ADAMTS7: variants seen among roughly 807,000 people sequenced by gnomAD.
The protein encoded by ADAMTS7 is A disintegrin and metalloproteinase with thrombospondin motifs 7.
A neutral mutation model predicts 172.6 loss-of-function variants in ADAMTS7; 89 were observed. The ratio of observed to expected loss-of-function variants is 0.52; its 90% confidence interval spans 0.43 to 0.61. ADAMTS7 has a LOEUF of 0.61. ADAMTS7 is among the 20% of genes least tolerant of loss of function. ADAMTS7 has a pLI of 0.00. For missense variants in ADAMTS7, 1,973 were observed against 2,355.6 expected (o/e 0.84, Z 3.36); for synonymous variants, 885 against 978.4 (o/e 0.90, Z 1.78).
intron 8 of ADAMTS7, among the ~76,000 whole-genome samples, chr15:78,780,254 G>T (rs1294454820): frequency 1.3e-5 from 2 of 151,600 alleles, no homozygotes; most frequent in African/African-American, 4.9e-5. Flanking sequence ...GCTAATTATA[G>T]CGGGGCTGGG....
intron 8 of ADAMTS7, among the ~76,000 whole-genome samples, chr15:78,787,525 G>A (rs1425168613): frequency 3.3e-5 from 5 of 152,048 alleles, no homozygotes; most frequent in South Asian, 2.1e-4. Context: ...GTAGCCAGCC[G>A]TTGTGGCACA....
In ADAMTS7 at chr15:78,771,730, G is replaced by A. The variant is rs1043662488; in HGVS notation, c.2231C>T (p.Pro744Leu). ...ANFLALRSED[P>L]EKYFLNGGWT... ...GCCACCATTGAGGAAGTACTTCTCC[G>A]GGTCCTCGCTCCGCAGTGCCAGGAA... Residue 744 changes from proline to leucine, a missense_variant, in exon 15 of 24, where the codon CCG becomes CTG. Physicochemically the swap from Pro to Leu is moderately conservative, Grantham distance 98. This residue lies in a region of ADAMTS7 where 771 missense variants were observed against 952.6 expected (regional missense o/e 0.81). Transcript: ENST00000388820. This position sits in a 1 kb window ranked among gnomAD's most constrained non-coding sequence, Gnocchi z 4.9. 16 of 1,610,378 alleles carry A rather than the reference G, an allele frequency of 9.9e-6. No homozygotes were observed. The highest frequency in any genetic ancestry group is 3.7e-4 in the Middle Eastern group (2 of 5,464).
chr15:78,759,470 G>A lies in ADAMTS7; in HGVS notation c.5012C>T (p.Pro1671Leu). The A allele has an allele frequency of 1.9e-6, 3 of 1,597,376 alleles. No individual in the cohort carries two copies. Among genetic ancestry groups the A allele is most frequent in the Non-Finnish European group, 2.5e-6 (3 of 1,177,526 alleles). The change falls in exon 24 of 24, where the codon CCC becomes CTC. Residue 1671 changes from proline to leucine, a missense_variant. Pro to Leu is a moderately conservative substitution (Grantham distance 98). Around this residue, in one of 8 missense-constraint regions of ADAMTS7, gnomAD observed 94 missense variants for 95.4 expected, o/e 0.99. Transcript: ENST00000388820. ...RTQCCRSCSP[P>L]SHGAPSRGHQ... The stretch of plus-strand genomic sequence containing the variant: ...GCCTCGGGAGGGGGCGCCGTGGCTG[G>A]GCGGAGAGCACGAGCGGCAGCACTG...
Position 78,771,508 on chromosome 15 carries a change from C to G in ADAMTS7, c.2376+77G>C, listed in dbSNP as rs540509827. The G allele has an allele frequency of 9.1e-6, 14 of 1,543,796 alleles. No individual in the cohort carries two copies. The highest frequency in any genetic ancestry group is 1.2e-5 in the South Asian group (1 of 84,910). On this transcript the variant is annotated intron_variant, in intron 15 of 23. Transcript: ENST00000388820. The surrounding 1 kb of genome is among the most constrained non-coding windows in gnomAD (Gnocchi z 4.9). The stretch of plus-strand genomic sequence containing the variant: ...TGAACCAGGGCTCACTCCTCCAGGA[C>G]GAGACCTGCCATGGAGGGTGCTGGG...
intron 8 of ADAMTS7, among the ~76,000 whole-genome samples, chr15:78,778,798 G>T (rs1001185856): frequency 7.9e-5 from 12 of 152,198 alleles, no homozygotes; most frequent in African/African-American, 2.9e-4. Context: ...GATTGGGACA[G>T]GCAGGGGGTT....
rs2055279336 is a variant in ADAMTS7 at position 78,773,106 on chromosome 15, G to A, written c.2108C>T (p.Thr703Ile). The A allele has an allele frequency of 1.3e-6, 2 of 1,523,484 alleles. No individual in the cohort carries two copies. Among genetic ancestry groups the A allele is most frequent in the Admixed American group, 3.8e-5 (2 of 52,730 alleles). The allele number at this position is 1,523,484 out of a possible 1,614,324, so 94.4% of individuals were successfully genotyped here. ...NGSTCHTVSG[T>I]FEEAEGLGYV... ...ACCCAGGCCCTCGGCCTCCTCGAAG[G>A]TCCCGCTCACGGTGTGGCAGGTGGA... The change falls in exon 14 of 24, where the codon ACC becomes ATC. Residue 703 changes from threonine to isoleucine, a missense_variant. This residue lies in a region of ADAMTS7 where 771 missense variants were observed against 952.6 expected (regional missense o/e 0.81). Transcript: ENST00000388820.
At chr15:78,805,316 C>T (rs956978564) in intron 1 of ADAMTS7, among the ~76,000 whole-genome samples, 3 of 152,180 alleles carry the variant, frequency 2.0e-5, no homozygotes, top group African/African-American at 4.8e-5. Context: ...TATTGAAAAA[C>T]GTTTTAGTCA....
rs137964278 is a variant in ADAMTS7, at chr15:78,759,784, G to A, written c.4904-206C>T. Among the ~76,000 whole-genome samples the A allele has an allele frequency of 6.6e-5, 10 of 152,292 alleles. No individual in the cohort carries two copies. In the South Asian group the frequency reaches 8.3e-4, roughly 13 times the overall value. On this transcript the variant is annotated intron_variant, in intron 23 of 23. Transcript: ENST00000388820. ...CTACTCATGGCCAACCCCAGGACTC[G>A]AGAACGGGTGCTGCTGGGCTGAGGT...
intron 1 of ADAMTS7, 26 bp from the exon 2 acceptor site, chr15:78,800,573 T>C (rs2055711810): frequency 6.4e-7 from 1 of 1,563,280 alleles, no homozygotes; most frequent in Non-Finnish European, 8.7e-7. Context: ...CACAAACGCC[T>C]AGGCCCAGGG....
At chr15:78,767,358 C>A (rs370303651) in intron 18 of ADAMTS7, 21 bp downstream of exon 18, 9 of 1,610,658 alleles carry the variant, frequency 5.6e-6, no homozygotes, top group African/African-American at 2.7e-5. Context: ...GGAGGCGGGC[C>A]CCTTCCCATC....
chr15:78,774,624 C>A lies in ADAMTS7; in HGVS notation c.1876G>T (p.Val626Leu). The change falls in exon 12 of 24, where the codon GTG (valine) becomes TTG (leucine). Residue 626 changes from valine (V) to leucine (L), a missense_variant and splice_region_variant. By Grantham distance (32) the Val-to-Leu change is conservative (BLOSUM62 1). This residue lies in a region of ADAMTS7 where 526 missense variants were observed against 662.9 expected (regional missense o/e 0.79). Coordinates refer to ENST00000388820, the MANE Select transcript of ADAMTS7 (RefSeq NM_014272.5). ...TGTCTCCATGGGGGGCAGCACTCAC[C>A]GTCATTGACCACGGGCACCCATGTG... ...LHTWVPVVND[V>L]NPCELHCRPA... 2 of 1,611,724 alleles carry A rather than the reference C, an allele frequency of 1.2e-6. No homozygotes were observed. The highest frequency in any genetic ancestry group is 1.7e-6 in the Non-Finnish European group (2 of 1,179,812).
intron 14 of ADAMTS7, among the ~76,000 whole-genome samples, chr15:78,772,207 C>T (rs2055262905): frequency 6.6e-6 from 1 of 152,212 alleles, no homozygotes; most frequent in African/African-American, 2.4e-5. Flanking sequence ...TTCCATCACA[C>T]CCATCACGTG....
At position 78,766,419 on chromosome 15, in the gene ADAMTS7, T is replaced by C; in HGVS notation, c.3492A>G (p.Ile1164Met). 6.3e-7 allele frequency: 1 copy of C among 1,592,192 alleles called. No individual in the cohort carries two copies. The highest frequency in any genetic ancestry group is 8.5e-7 in the Non-Finnish European group (1 of 1,172,296). ...INFLPEEDTP[I>M]GAPDLGLPSL... is the part of the protein sequence containing the mutation. ...TGGGGAGCCCAAGATCTGGGGCCCC[T>C]ATGGGGGTGTCTTCCTCAGGCAGGA... The change falls in exon 19 of 24, where the codon ATA becomes ATG. Residue 1164 changes from isoleucine to methionine, a missense_variant. Coordinates refer to ENST00000388820, the MANE Select transcript of ADAMTS7 (RefSeq NM_014272.5).
intron 19 of ADAMTS7, 64 bp downstream of exon 19, chr15:78,765,581 A>G (rs112304411): frequency 6.3e-7 from 1 of 1,597,922 alleles, no homozygotes; most frequent in Non-Finnish European, 8.5e-7. Context: ...GCTCATTTTC[A>G]GATGAGGAAA....
At position 78,766,620 on chromosome 15, in the gene ADAMTS7, TG is replaced by T; in HGVS notation, c.3290del (p.Pro1097HisfsTer57). The T allele has an allele frequency of 6.2e-7, 1 of 1,607,428 alleles. No homozygotes were observed. The highest frequency in any genetic ancestry group is 8.5e-7 in the Non-Finnish European group (1 of 1,178,284). On this transcript the variant is annotated frameshift_variant, in exon 19 of 24. Coordinates refer to ENST00000388820, the MANE Select transcript of ADAMTS7 (RefSeq NM_014272.5). LOFTEE classifies it high-confidence loss of function. The part of the protein sequence containing the change: ...DLAGTGDRTP[P>X]PHSHPAAPST... ...AGGGCGCAGCAGGATGGCTGTGTGG[TG>T]GGGGTGTCCGGTCCCCTGTCCCCGC...
At chr15:78,778,006 C>T (rs4268716) in intron 8 of ADAMTS7, among the ~76,000 whole-genome samples, 11,474 of 152,244 alleles carry the variant, frequency 0.075, 1,429 homozygotes, top group African/African-American at 0.26. Context: ...ACAGAGCCTC[C>T]GACGGCCCCA....
intron 8 of ADAMTS7, among the ~76,000 whole-genome samples, chr15:78,777,892 G>C (rs529910640): frequency 4.7e-4 from 72 of 152,298 alleles, no homozygotes; most frequent in Admixed American, 1.1e-3. Context: ...CCACCAAGCC[G>C]TCATGTGGCC....
At chr15:78,777,695 T>C (rs1196317603) in intron 8 of ADAMTS7, 107 bp from the exon 9 acceptor site, 3 of 1,394,262 alleles carry the variant, frequency 2.2e-6, no homozygotes, top group Non-Finnish European at 2.9e-6. Context: ...CACAGAGCCC[T>C]ACAACTGTAG....
chr15:78,801,800 C>T (rs1452806703), intron 1 of ADAMTS7, among the ~76,000 whole-genome samples: 1 of 152,108 alleles, frequency 6.6e-6, no homozygotes. Context: ...ATCTCAGCCT[C>T]CCAAGTAGCT....
Sources: gnomAD v4.1 joint callset for allele counts (sites outside exome capture counted in the v4.1 genomes callset) on GRCh38, gnomAD v4.1.1 for gene constraint, gnomAD v4.1.1 regional missense constraint, Gnocchi (gnomAD v3.1) non-coding constraint, MANE v1.5 for transcripts, NCBI Gene and HGNC (gene_info 2026-07-23, HGNC 2026-07-21) for gene names.